The following PTPRT variants were observed in gnomAD, a reference collection of about 807,000 sequenced individuals.
The protein encoded by PTPRT is receptor-type tyrosine-protein phosphatase T.
Under a neutral mutation model 176.8 loss-of-function variants are expected in PTPRT, and 56 were observed. The observed-to-expected ratio is 0.32, with a 90% confidence interval of 0.26 to 0.40. The LOEUF (loss-of-function observed/expected upper bound fraction) is 0.40, where lower values mean the gene tolerates loss of function less well. Ranked by LOEUF, PTPRT falls within the 10% of genes least tolerant of loss-of-function variation. PTPRT has a pLI of 1.00. For missense variants in PTPRT, 1,540 were observed against 1,908.2 expected, an observed-to-expected ratio of 0.81 and a Z score of 3.60; for synonymous variants, 783 against 739.0, an observed-to-expected ratio of 1.06 and a Z score of -0.96.
chr20:42,480,517 C>T (rs759490323), intron 7 of PTPRT, among the ~76,000 whole-genome samples: 20 of 152,308 alleles, frequency 1.3e-4, no homozygotes, highest in Non-Finnish European at 2.2e-4. Context: ...ATTCTACATA[C>T]ATATCCTGAA....
At chr20:42,191,781 C>T (rs1991012592) in intron 16 of PTPRT, among the ~76,000 whole-genome samples, 1 of 152,166 alleles carries the variant, frequency 6.6e-6, no homozygotes, top group African/African-American at 2.4e-5. Context: ...AATGAAGTTA[C>T]AGAGGACAGA....
chr20:42,128,569 A>G (rs577979577), intron 19 of PTPRT, among the ~76,000 whole-genome samples, 185 bp downstream of exon 19: 2 of 152,206 alleles, frequency 1.3e-5, no homozygotes, highest in African/African-American at 4.8e-5. Flanking sequence ...GCAGGCTACT[A>G]CAGCTAGCCT....
rs1314424021 is a variant in PTPRT at position 43,038,041 on chromosome 20, C to G, written c.88+151605G>C. 1.5e-3 allele frequency among the ~76,000 whole-genome samples: 228 copies of G among 152,026 alleles called. 1 individual carries two copies. The highest frequency in any genetic ancestry group is 5.2e-3 in the African/African-American group (216 of 41,316). On this transcript the variant is annotated intron_variant, in intron 1 of 30. Coordinates refer to ENST00000373187, the MANE Select transcript of PTPRT (RefSeq NM_007050.6). ...ACCTAAACTGCTTCTGTGGCTACAC[C>G]TGACCTGAGCCTATTTATAGCATTA...
chr20:43,001,470 T>C (rs1465118114), intron 1 of PTPRT, among the ~76,000 whole-genome samples: 3 of 137,098 alleles, frequency 2.2e-5, no homozygotes, highest in Non-Finnish European at 4.6e-5. Context: ...AGGTGGATAC[T>C]CATAACAACA....
chr20:42,855,679 A>T (rs1367043076), intron 2 of PTPRT, among the ~76,000 whole-genome samples: 2 of 148,066 alleles, frequency 1.4e-5, no homozygotes. Context: ...CAATCTGACC[A>T]CCTCAGCCTC....
intron 27 of PTPRT, among the ~76,000 whole-genome samples, chr20:42,092,796 C>T (rs1162965615): frequency 6.6e-6 from 1 of 152,216 alleles, no homozygotes; most frequent in African/African-American, 2.4e-5. Context: ...CCCTGCTTTT[C>T]TCCTGGGAGA....
intron 1 of PTPRT, among the ~76,000 whole-genome samples, chr20:43,155,935 C>T (rs906352209): frequency 1.1e-4 from 16 of 152,318 alleles, no homozygotes; most frequent in Non-Finnish European, 2.1e-4. Context: ...GGAGCCAAGT[C>T]GCTTGTTCAG....
At chr20:42,764,092 A>G (rs954610644) in intron 5 of PTPRT, among the ~76,000 whole-genome samples, 88 of 152,200 alleles carry the variant, frequency 5.8e-4, no homozygotes, top group Non-Finnish European at 5.3e-4. Flanking sequence ...TAGGCCTTTC[A>G]TAGTTATTGA....
chr20:42,711,435 G>T (rs2076143324), intron 6 of PTPRT, among the ~76,000 whole-genome samples: 1 of 152,012 alleles, frequency 6.6e-6, no homozygotes, highest in Non-Finnish European at 1.5e-5. Flanking sequence ...CATGAGATCT[G>T]GTTGTTTAAA....
chr20:43,003,730 T>G (rs1984713793), intron 1 of PTPRT, among the ~76,000 whole-genome samples: 1 of 152,238 alleles, frequency 6.6e-6, no homozygotes, highest in Non-Finnish European at 1.5e-5. Flanking sequence ...AGCCCCACTC[T>G]GGACCTACTG....
At position 42,248,772 on chromosome 20, in the gene PTPRT, T is replaced by G; in HGVS notation, c.2227A>C (p.Asn743His). 5 of 1,614,106 alleles carry G rather than the reference T, an allele frequency of 3.1e-6. No individual in the cohort carries two copies. Among genetic ancestry groups the G allele is most frequent in the Non-Finnish European group, 4.2e-6 (5 of 1,179,992 alleles). The part of the protein sequence containing the change: ...NTVEPEKQVD[N>H]TVKMAGVIAG... The stretch of plus-strand genomic sequence containing the variant: ...ATCACGCCAGCCATCTTCACGGTGT[T>G]GTCCACCTGCTTCTCTGGCTCCACA... Residue 743 changes from asparagine to histidine, a missense_variant, in exon 14 of 31, where the codon AAC (asparagine) becomes CAC (histidine). Coordinates refer to ENST00000373187, the MANE Select transcript of PTPRT (RefSeq NM_007050.6).
chr20:42,845,545 A>T (rs1353898903), intron 2 of PTPRT, among the ~76,000 whole-genome samples: 1 of 152,308 alleles, frequency 6.6e-6, no homozygotes, highest in Non-Finnish European at 1.5e-5. Context: ...TACTTAAAAA[A>T]GTCTGGAATC....
intron 7 of PTPRT, among the ~76,000 whole-genome samples, chr20:42,494,517 G>T (rs1328139898): frequency 6.6e-6 from 1 of 152,078 alleles, no homozygotes; most frequent in East Asian, 1.9e-4. Flanking sequence ...GGAATAATGT[G>T]TCATCAAAGA....
chr20:42,166,618 C>A (rs770573173), intron 16 of PTPRT, among the ~76,000 whole-genome samples: 2 of 152,100 alleles, frequency 1.3e-5, no homozygotes, highest in Non-Finnish European at 2.9e-5. Flanking sequence ...GTTTACATAA[C>A]TATTTGAGAA....
intron 13 of PTPRT, among the ~76,000 whole-genome samples, chr20:42,260,110 G>A (rs970475702): frequency 2.0e-5 from 3 of 152,160 alleles, no homozygotes; most frequent in Admixed American, 6.5e-5. Context: ...TTGAGTGATG[G>A]GCACCAACAC....
At chr20:42,143,569 A>AG (rs1988726824) in intron 17 of PTPRT, among the ~76,000 whole-genome samples, 1 of 151,794 alleles carries the variant, frequency 6.6e-6, no homozygotes, top group African/African-American at 2.4e-5. Flanking sequence ...AAAAAAAAAA[A>AG]AAAAAGTTGT....
intron 7 of PTPRT, among the ~76,000 whole-genome samples, chr20:42,541,323 C>A (rs2072575566): frequency 6.6e-6 from 1 of 151,968 alleles, no homozygotes. Context: ...GATTAGCTAT[C>A]TATGATATTC....
chr20:43,181,210 T>C (rs904220707), intron 1 of PTPRT, among the ~76,000 whole-genome samples: 5 of 152,086 alleles, frequency 3.3e-5, no homozygotes, highest in African/African-American at 1.2e-4. Context: ...CCTTCCCCAT[T>C]CAAGCTGAAC....
At chr20:42,653,707 A>C (rs1275535381) in intron 7 of PTPRT, among the ~76,000 whole-genome samples, 2 of 152,194 alleles carry the variant, frequency 1.3e-5, no homozygotes, top group Admixed American at 6.5e-5. Flanking sequence ...TTTCATTTTC[A>C]ACATCACTTG....
Sources: gnomAD v4.1 joint callset for allele counts (sites outside exome capture counted in the v4.1 genomes callset) on GRCh38, gnomAD v4.1.1 for gene constraint, MANE v1.5 for transcripts, NCBI Gene and HGNC (gene_info 2026-07-23, HGNC 2026-07-21) for gene names.